GABRA1: variants seen among roughly 807,000 people sequenced by gnomAD.
GABRA1 encodes gamma-aminobutyric acid receptor subunit alpha-1.
Under a neutral mutation model 48.9 loss-of-function variants are expected in GABRA1, and 9 were observed. The ratio of observed to expected loss-of-function variants is 0.18; its 90% CI spans 0.11 to 0.32. GABRA1 has a LOEUF of 0.32. Ranked by LOEUF, GABRA1 falls within the 10% of genes least tolerant of loss-of-function variation. The probability of loss-of-function intolerance (pLI) is 1.00; values close to 1 mark genes in which losing one functional copy is unlikely to be tolerated. For synonymous variants in GABRA1, 210 were observed against 198.7 expected (o/e 1.06, Z -0.48); for missense variants, 285 against 553.8 (o/e 0.51, Z 4.87).
At chr5:161,891,194 C>G in intron 8 of GABRA1, 144 bp downstream of exon 8, 1 of 781,884 alleles carries the variant, frequency 1.3e-6, no homozygotes. Flanking sequence ...AATTGCCACT[C>G]TCATTATGGT....
At chr5:161,894,048 A>T (rs6889687) in intron 8 of GABRA1, among the ~76,000 whole-genome samples, 10,952 of 152,106 alleles carry the variant, frequency 0.072, 441 homozygotes, top group South Asian at 0.12. Context: ...AGATTTTTTT[A>T]AAAAAATTGA....
chr5:161,860,116 T>C (rs1757796347), intron 3 of GABRA1, among the ~76,000 whole-genome samples: 1 of 151,834 alleles, frequency 6.6e-6, no homozygotes, highest in African/African-American at 2.4e-5. Flanking sequence ...CCAAGAAGAA[T>C]TGTTAAAATG....
chr5:161,872,098 G>A (rs930722459), intron 4 of GABRA1: 9 of 152,624 alleles, frequency 5.9e-5, no homozygotes, highest in South Asian at 2.1e-4. Flanking sequence ...AGGGCTTAAA[G>A]GATTAGGAAA....
intron 3 of GABRA1, among the ~76,000 whole-genome samples, chr5:161,864,842 TAA>T (rs549599669): frequency 1.4e-5 from 2 of 138,466 alleles, no homozygotes; most frequent in African/African-American, 5.3e-5. Flanking sequence ...TAAAATAAAA[TAA>T]ATATAAAAAA....
upstream of GABRA1, chr5:161,847,359 G>A (rs1446046780): frequency 6.6e-6 from 1 of 152,152 alleles, no homozygotes; most frequent in African/African-American, 2.4e-5. Context: ...GAAATGATCG[G>A]AGTGATTTAT....
intron 3 of GABRA1, among the ~76,000 whole-genome samples, chr5:161,863,068 A>C (rs1244324664): frequency 6.6e-6 from 1 of 151,922 alleles, no homozygotes; most frequent in Non-Finnish European, 1.5e-5. Flanking sequence ...TTCAAAACTT[A>C]TCAGCAAGAT....
At chr5:161,882,800 A>T in intron 7 of GABRA1, 99 bp downstream of exon 7, 1 of 1,204,720 alleles carries the variant, frequency 8.3e-7, no homozygotes, top group Non-Finnish European at 1.2e-6. Context: ...TAGGAGAGAG[A>T]ACATTTCACT....
chr5:161,865,864 G>C, intron 4 of GABRA1, 76 bp downstream of exon 4: 1 of 1,237,592 alleles, frequency 8.1e-7, no homozygotes. Flanking sequence ...TATAAACTAA[G>C]TTCTTAGGGA....
At chr5:161,871,367 T>C (rs1273715100) in intron 4 of GABRA1, among the ~76,000 whole-genome samples, 1 of 152,126 alleles carries the variant, frequency 6.6e-6, no homozygotes, top group East Asian at 1.9e-4. Flanking sequence ...AGTCATTCAG[T>C]TGGACAGAAA....
intron 4 of GABRA1, among the ~76,000 whole-genome samples, chr5:161,867,338 C>G (rs1251178587): frequency 2.0e-5 from 3 of 152,042 alleles, no homozygotes; most frequent in African/African-American, 4.8e-5. Flanking sequence ...TGCCTGTATT[C>G]CCATAAATGA....
chr5:161,857,965 G>A (rs1581182124), intron 3 of GABRA1, among the ~76,000 whole-genome samples: 1 of 149,246 alleles, frequency 6.7e-6, no homozygotes, highest in East Asian at 2.0e-4. Context: ...CAGAAAAAAT[G>A]GGAAGATGTG....
At chr5:161,894,821 G>C (rs1448365653) in intron 8 of GABRA1, among the ~76,000 whole-genome samples, 3 of 152,148 alleles carry the variant, frequency 2.0e-5, no homozygotes, top group Non-Finnish European at 4.4e-5. Context: ...AAACTAAAAT[G>C]GGCTAACTTG....
chr5:161,893,781 A>G (rs533405513), intron 8 of GABRA1, among the ~76,000 whole-genome samples: 1 of 152,340 alleles, frequency 6.6e-6, no homozygotes, highest in South Asian at 2.1e-4. Flanking sequence ...ATGAAAGTAC[A>G]AGGAAAGTAA....
intron 7 of GABRA1, among the ~76,000 whole-genome samples, chr5:161,888,099 T>C (rs781340187): frequency 6.6e-6 from 1 of 152,132 alleles, no homozygotes; most frequent in Non-Finnish European, 1.5e-5. Context: ...CACATCTAAT[T>C]TGCAAGCTTC....
intron 4 of GABRA1, among the ~76,000 whole-genome samples, chr5:161,866,664 G>A (rs1167689802): frequency 6.6e-6 from 1 of 152,026 alleles, no homozygotes; most frequent in Non-Finnish European, 1.5e-5. Flanking sequence ...CAAGTTCTGA[G>A]GTAAAACAAA....
chr5:161,864,252 T>C (rs113380972), intron 3 of GABRA1, among the ~76,000 whole-genome samples: 29,056 of 152,056 alleles, frequency 0.19, 3,451 homozygotes, highest in Middle Eastern at 0.3. Flanking sequence ...GTGCGCATTG[T>C]GCAGGTTAGT....
Position 161,861,440 on chromosome 5 carries a change from A to G in GABRA1, c.188-4281A>G, listed in dbSNP as rs1046360487. 4.6e-5 allele frequency among the ~76,000 whole-genome samples: 7 copies of G among 151,908 alleles called. 1 individual carries two copies. The highest frequency in any genetic ancestry group is 9.7e-5 in the African/African-American group (4 of 41,406). ...ATATTACAGCATATGGAGGTAATTT[A>G]TCAGTGGAAATAAGATAAATAGCTC... On this transcript the variant is annotated intron_variant, in intron 3 of 9. Coordinates refer to ENST00000393943, the MANE Select transcript of GABRA1 (RefSeq NM_001127644.2).
At chr5:161,860,298 T>C (rs1159629427) in intron 3 of GABRA1, among the ~76,000 whole-genome samples, 1 of 151,874 alleles carries the variant, frequency 6.6e-6, no homozygotes. Context: ...TCAGTGCCAA[T>C]ATTTTCCTGA....
chr5:161,890,092 T>C (rs1172313509), intron 7 of GABRA1, among the ~76,000 whole-genome samples: 1 of 152,030 alleles, frequency 6.6e-6, no homozygotes. Flanking sequence ...AAGACTCTCC[T>C]GCAATTTGGG....
Sources: gnomAD v4.1 joint callset for allele counts (sites outside exome capture counted in the v4.1 genomes callset) on GRCh38, gnomAD v4.1.1 for gene constraint, MANE v1.5 for transcripts, NCBI Gene and HGNC (gene_info 2026-07-23, HGNC 2026-07-21) for gene names.